TRPM3: variants seen among roughly 807,000 people sequenced by gnomAD.
TRPM3 encodes the protein transient receptor potential cation channel subfamily M member 3, also known as long transient receptor potential channel 3.
A neutral mutation model predicts 181.2 loss-of-function variants in TRPM3; 77 were observed. That is an observed-to-expected ratio of 0.42 (90% CI 0.35 to 0.51). The LOEUF (loss-of-function observed/expected upper bound fraction) is 0.51, where lower values mean the gene tolerates loss of function less well. TRPM3 is among the 20% of genes least tolerant of loss of function. TRPM3 has a pLI of 0.01. For synonymous variants in TRPM3, 745 were observed against 796.4 expected (o/e 0.94, Z 1.09); for missense variants, 1,759 against 2,196.7 (o/e 0.80, Z 3.98).
At chr9:70,869,851 G>A (rs2095751475) in intron 1 of TRPM3, among the ~76,000 whole-genome samples, 1 of 151,958 alleles carries the variant, frequency 6.6e-6, no homozygotes, top group Non-Finnish European at 1.5e-5. Context: ...GATTCCAGCT[G>A]GTATTCAGTC....
chr9:71,104,311 C>A (rs2069028495), intron 1 of TRPM3, among the ~76,000 whole-genome samples: 1 of 152,198 alleles, frequency 6.6e-6, no homozygotes, highest in Non-Finnish European at 1.5e-5. Flanking sequence ...ATGTTAACTT[C>A]AGATAGTTAA....
intron 1 of TRPM3, among the ~76,000 whole-genome samples, chr9:71,052,400 T>C (rs1035104217): frequency 1.3e-5 from 2 of 152,156 alleles, no homozygotes; most frequent in African/African-American, 4.8e-5. Context: ...ATTAGCTGGC[T>C]GTAGCTTCCT....
intron 1 of TRPM3, among the ~76,000 whole-genome samples, chr9:71,148,732 T>C (rs967838249): frequency 2.0e-5 from 3 of 151,850 alleles, no homozygotes; most frequent in Non-Finnish European, 4.4e-5. Context: ...CTTGAAGGAG[T>C]TTAAAATTTC....
intron 22 of TRPM3, among the ~76,000 whole-genome samples, chr9:70,554,801 T>A (rs994719790): frequency 4.6e-5 from 7 of 152,208 alleles, no homozygotes; most frequent in Non-Finnish European, 4.4e-5. Context: ...CTGGTTTTTA[T>A]GGCTAAGAAA....
chr9:70,917,181 G>T (rs1044404890), intron 1 of TRPM3: 1 of 1,605,684 alleles, frequency 6.2e-7, no homozygotes, highest in Non-Finnish European at 8.5e-7. Context: ...AGGAGTTTCT[G>T]CTTTTTAAAC....
intron 1 of TRPM3, among the ~76,000 whole-genome samples, chr9:71,065,195 C>G (rs972531331): frequency 2.0e-5 from 3 of 152,060 alleles, no homozygotes; most frequent in Non-Finnish European, 4.4e-5. Context: ...GTAATAGACA[C>G]TTAAGAACCT....
At chr9:70,888,787 TA>T (rs1355161705) in intron 1 of TRPM3, among the ~76,000 whole-genome samples, 2 of 152,076 alleles carry the variant, frequency 1.3e-5, no homozygotes, top group Non-Finnish European at 2.9e-5. Flanking sequence ...TTGCCTAAGT[TA>T]AGGGGTGGTC....
At chr9:70,835,996 A>G (rs907012493) in intron 5 of TRPM3, among the ~76,000 whole-genome samples, 3 of 152,214 alleles carry the variant, frequency 2.0e-5, no homozygotes, top group African/African-American at 7.2e-5. Context: ...TTATCTATGT[A>G]AAAGTGCTTA....
chr9:71,083,631 T>G (rs1034574943), intron 1 of TRPM3, among the ~76,000 whole-genome samples: 1 of 152,044 alleles, frequency 6.6e-6, no homozygotes, highest in Admixed American at 6.6e-5. Flanking sequence ...ATTATTTTTT[T>G]GCTGTAATCA....
At chr9:71,073,156 G>T (rs1206876186) in intron 1 of TRPM3, among the ~76,000 whole-genome samples, 1 of 152,128 alleles carries the variant, frequency 6.6e-6, no homozygotes, top group Non-Finnish European at 1.5e-5. Flanking sequence ...AATTGTGGCA[G>T]TCAGACATAG....
At chr9:70,897,866 C>A (rs1170773003) in intron 1 of TRPM3, among the ~76,000 whole-genome samples, 16 of 152,146 alleles carry the variant, frequency 1.1e-4, no homozygotes, top group Admixed American at 1.0e-3. Flanking sequence ...TGGTGAAGTT[C>A]AAGAAGGGTC....
chr9:71,278,186 G>A (rs2084374938), intron 1 of TRPM3, among the ~76,000 whole-genome samples: 1 of 152,140 alleles, frequency 6.6e-6, no homozygotes. Flanking sequence ...TCTACTATGA[G>A]GCAACCACTG....
chr9:71,336,522 C>T (rs1469848054), intron 1 of TRPM3, among the ~76,000 whole-genome samples: 2 of 152,178 alleles, frequency 1.3e-5, no homozygotes, highest in African/African-American at 4.8e-5. Flanking sequence ...AATGGCCATA[C>T]TGCCCAAAGT....
intron 1 of TRPM3, among the ~76,000 whole-genome samples, chr9:71,290,066 G>A (rs76832870): frequency 0.07 from 8,791 of 124,758 alleles, 830 homozygotes; most frequent in African/African-American, 0.21. Context: ...TGATATGTCA[G>A]TTTAAAAAGT....
Position 70,621,263 on chromosome 9 carries a change from A to C in TRPM3, c.1820T>G (p.Leu607Trp). 1 of 1,600,704 alleles carries C rather than the reference A, an allele frequency of 6.2e-7. No individual in the cohort carries two copies. Reference sequence around the variant, plus strand: ...ACTTACCTCCATTCCCAGCAGTTTCAAGGCTTTGGGCTGTTAAAAAAAACG... The same window carrying C: ...ACTTACCTCCATTCCCAGCAGTTTCCAGGCTTTGGGCTGTTAAAAAAAACG... ...NLFGPKRPKA[L>W]KLLGMEDDIP... Residue 607 changes from leucine (L) to tryptophan (W), a missense_variant, in exon 15 of 26, where the codon TTG (leucine) becomes TGG (tryptophan). Physicochemically the swap from Leu to Trp is moderately conservative, Grantham distance 61. Around this residue, in one of 8 missense-constraint regions of TRPM3, gnomAD observed 737 missense variants for 957.4 expected, o/e 0.77. Transcript: ENST00000677713.
At chr9:70,927,909 A>G (rs2096737030) in intron 1 of TRPM3, among the ~76,000 whole-genome samples, 1 of 152,218 alleles carries the variant, frequency 6.6e-6, no homozygotes, top group African/African-American at 2.4e-5. Flanking sequence ...TTCTAATAAC[A>G]CCTATAGGCA....
At chr9:71,060,208 A>C (rs1006409730) in intron 1 of TRPM3, among the ~76,000 whole-genome samples, 1 of 152,080 alleles carries the variant, frequency 6.6e-6, no homozygotes, top group Non-Finnish European at 1.5e-5. Context: ...CCCAGGGACC[A>C]GCTTTCTACC....
chr9:71,111,114 A>G (rs1379588652), intron 1 of TRPM3, among the ~76,000 whole-genome samples: 1 of 152,216 alleles, frequency 6.6e-6, no homozygotes, highest in Non-Finnish European at 1.5e-5. Flanking sequence ...ACATTTTCAG[A>G]CAAATTGGTT....
chr9:70,573,234 G>T (rs966994054), intron 22 of TRPM3, among the ~76,000 whole-genome samples: 1 of 152,190 alleles, frequency 6.6e-6, no homozygotes, highest in African/African-American at 2.4e-5. Flanking sequence ...CAAATACAAT[G>T]AGGAACATTG....
Sources: allele counts gnomAD v4.1 joint callset (sites outside exome capture counted in the v4.1 genomes callset), GRCh38; gene constraint gnomAD v4.1.1; regional missense constraint gnomAD v4.1.1; transcripts MANE v1.5; gene names NCBI Gene and HGNC (gene_info 2026-07-23, HGNC 2026-07-21).